The following PRSS36 variants were observed in gnomAD, a reference collection of about 807,000 sequenced individuals.
PRSS36 encodes serine protease 36.
PRSS36 carries 90 observed loss-of-function variants against 94.3 expected under a neutral mutation model. The observed-to-expected ratio is 0.95, with a 90% CI of 0.80 to 1.14. The LOEUF (loss-of-function observed/expected upper bound fraction) is 1.14, where lower values mean the gene tolerates loss of function less well. Ranked by LOEUF, PRSS36 falls within the 50% of genes most tolerant of loss-of-function variation. The pLI, the probability that PRSS36 is intolerant of heterozygous loss-of-function variation, is 0.00. For synonymous variants in PRSS36, 500 were observed against 489.6 expected (o/e 1.02, Z -0.28); for missense variants, 1,158 against 1,135.0 (o/e 1.02, Z -0.29).
chr16:31,149,447 A>C lies in PRSS36; in HGVS notation c.109+16T>G, dbSNP rs771851134. 7 of 1,614,002 alleles carry C rather than the reference A, an allele frequency of 4.3e-6. No homozygotes were observed. Among genetic ancestry groups the C allele is most frequent in the Non-Finnish European group, 5.9e-6 (7 of 1,179,944 alleles). On this transcript the variant is annotated intron_variant, in intron 3 of 14. Transcript: ENST00000268281. The stretch of plus-strand genomic sequence containing the variant: ...GCCTCCTTTAAGGTCTGAGGGTGCC[A>C]AGGCCTCTTCCTTACCCAGATCTTC...
At chr16:31,149,955 C>T (rs1457679338) in intron 1 of PRSS36, 44 bp downstream of exon 1, 11 of 1,607,498 alleles carry the variant, frequency 6.8e-6, no homozygotes, top group African/African-American at 1.3e-5. Flanking sequence ...CCCCAGATGC[C>T]AGGACCCAGG....
At chr16:31,145,566 CA>C (rs2144038355) in intron 6 of PRSS36, among the ~76,000 whole-genome samples, 1 of 151,568 alleles carries the variant, frequency 6.6e-6, no homozygotes, top group Admixed American at 6.6e-5. Flanking sequence ...GGGGGTGGAG[CA>C]GGGGGAGGTT....
At chr16:31,144,299 C>T (rs987503775) in intron 6 of PRSS36, among the ~76,000 whole-genome samples, 9 of 152,132 alleles carry the variant, frequency 5.9e-5, no homozygotes, top group Non-Finnish European at 8.8e-5. Flanking sequence ...CTCAGCTTCC[C>T]GAGTAGCTGG....
rs1243158769 is a variant in PRSS36 at position 31,142,555 on chromosome 16, C to G, written c.1447G>C (p.Val483Leu). Residue 483 changes from valine to leucine, a missense_variant, in exon 10 of 15, where the codon GTA becomes CTA. Coordinates refer to ENST00000268281, the MANE Select transcript of PRSS36 (RefSeq NM_173502.5). ...TGCGGCGGGTCTCCGGGCAGCGGTA[C>G]TGCCGCCCCCTGGCGGCCGTACAGG... is the stretch of plus-strand genomic sequence containing the variant. ...HCLYGRQGAA[V>L]PLPGDPPHAL... 1.9e-5 allele frequency: 29 copies of G among 1,525,752 alleles called. No individual in the cohort carries two copies. Among genetic ancestry groups the G allele is most frequent in the Non-Finnish European group, 2.2e-5 (25 of 1,140,724 alleles). The allele number at this position is 1,525,752 out of a possible 1,614,324, so 94.5% of individuals were successfully genotyped here.
Position 31,148,463 on chromosome 16 carries a change from C to G in PRSS36, c.485G>C (p.Arg162Pro). 2 of 1,574,506 alleles carry G rather than the reference C, an allele frequency of 1.3e-6. No homozygotes were observed. Among genetic ancestry groups the G allele is most frequent in the Non-Finnish European group, 1.7e-6 (2 of 1,166,910 alleles). Residue 162 changes from arginine to proline, a missense_variant, in exon 5 of 15, where the codon CGC becomes CCC. By Grantham distance (103) the Arg-to-Pro change is moderately radical. Coordinates refer to ENST00000268281, the MANE Select transcript of PRSS36 (RefSeq NM_173502.5). ...GCCGTGCACGAAGCGGTGTGAGGCG[C>G]GGGGCAGGCAGACAGGCCACACGGC... ...GPAVWPVCLP[R>P]ASHRFVHGTA...
Position 31,139,334 on chromosome 16 carries a change from T to C in PRSS36, c.2372A>G (p.Glu791Gly). ...LVGMAVQGSR[E>G]LFAAIGPEEA... The stretch of plus-strand genomic sequence containing the variant: ...TTCAGGACCAATGGCAGCAAACAGC[T>C]CCCGGCTCCCTTGAACAGCCATGCC... Residue 791 changes from glutamate to glycine, a missense_variant, in exon 15 of 15, where the codon GAG (glutamate) becomes GGG (glycine). By Grantham distance (98) the Glu-to-Gly change is moderately conservative. Coordinates refer to ENST00000268281, the MANE Select transcript of PRSS36 (RefSeq NM_173502.5). 6.2e-7 allele frequency: 1 copy of C among 1,614,018 alleles called. No individual in the cohort carries two copies. The highest frequency in any genetic ancestry group is 2.2e-5 in the East Asian group (1 of 44,870).
intron 12 of PRSS36, 148 bp downstream of exon 12, chr16:31,141,321 G>A (rs2057683642): frequency 9.7e-7 from 1 of 1,032,766 alleles, no homozygotes; most frequent in South Asian, 1.7e-5. Context: ...CAAGGCAGGA[G>A]GATTGCTTGA....
At position 31,140,583 on chromosome 16, in the gene PRSS36, G is replaced by A. The variant is rs373915188; in HGVS notation, c.2076C>T (p.Ser692=). The A allele has an allele frequency of 1.2e-6, 2 of 1,604,526 alleles. No individual in the cohort carries two copies. Among genetic ancestry groups the A allele is most frequent in the African/African-American group, 1.3e-5 (1 of 74,982 alleles). Residue 692 remains serine (S), a synonymous_variant, in exon 13 of 15, where the codon TCC becomes TCT. Transcript: ENST00000268281. ...GGAGACAGATGGGCAGGGCTGATGGGGAGGGCTCCACCCGGGAGCTCAGCT... is the reference window on the plus strand; with the variant it reads ...GGAGACAGATGGGCAGGGCTGATGGAGAGGGCTCCACCCGGGAGCTCAGCT... ...LLELSSRVEP[S]PSALPICLHP... is the part of the protein sequence containing the mutation.
chr16:31,139,219 G>T lies in PRSS36; in HGVS notation c.2487C>A (p.Cys829Ter). The change falls in exon 15 of 15, where the codon TGC (cysteine) becomes TGA (stop). Residue 829 changes from cysteine (C) to a stop codon, truncating the protein, a stop_gained. Transcript: ENST00000268281. LOFTEE classifies it low-confidence loss of function (END_TRUNC). ...CCGAGGCCTTGGCCAGTTCTGGGGG[G>T]CAGAGATTGCTGCCTCCAGTGGGCC... Reference protein sequence around the residue: ...PHWPTGGSNLCPPELAKASGS... With the variant: ...PHWPTGGSNL 7 of 1,613,678 alleles carry T rather than the reference G, an allele frequency of 4.3e-6. No individual in the cohort carries two copies. The highest frequency in any genetic ancestry group is 5.1e-6 in the Non-Finnish European group (6 of 1,179,702).
chr16:31,142,618 G>T lies in PRSS36; in HGVS notation c.1384C>A (p.Leu462Met). The change falls in exon 10 of 15, where the codon CTG (leucine) becomes ATG (methionine). Residue 462 changes from leucine to methionine, a missense_variant. Physicochemically the swap from Leu to Met is conservative, Grantham distance 15. Transcript: ENST00000268281. ...CAGCCGCCTAACAGCTCCGCCTCCA[G>T]CAGCGCGCCTGGGCCAAGCGCGGGT... ...GEPALGPGAL[L>M]EAELLGGWWC... 1 of 1,503,518 alleles carries T rather than the reference G, an allele frequency of 6.7e-7. No individual in the cohort carries two copies. Among genetic ancestry groups the T allele is most frequent in the Admixed American group, 2.2e-5 (1 of 45,566 alleles). The allele number at this position is 1,503,518 out of a possible 1,614,324, so 93.1% of individuals were successfully genotyped here. A position where few individuals can be genotyped will look rare whatever the true frequency, so the allele number is the denominator to read the frequency against.
At chr16:31,146,126 T>C (rs147596925) in intron 5 of PRSS36, among the ~76,000 whole-genome samples, 171 bp from the exon 6 acceptor site, 15 of 152,356 alleles carry the variant, frequency 9.8e-5, no homozygotes, top group African/African-American at 3.4e-4. Context: ...TTCTTTCTAC[T>C]TTTTCATCTC....
rs374385594 is a variant in PRSS36, at chr16:31,140,426, G to A, written c.2168-11C>T. On this transcript the variant is annotated splice_polypyrimidine_tract_variant and intron_variant, in intron 13 of 14. Coordinates refer to ENST00000268281, the MANE Select transcript of PRSS36 (RefSeq NM_173502.5). ...CAGCAGCCACAGGGACTGGGGAGAG[G>A]AGACAAAGTTGTTCCAGGGCTCTGG... 12 of 1,612,424 alleles carry A rather than the reference G, an allele frequency of 7.4e-6. No homozygotes were observed. The Admixed American group carries it at 8.4e-5, about 11-fold the overall frequency.
chr16:31,140,263 T>G, intron 14 of PRSS36, 31 bp downstream of exon 14: 6 of 1,580,234 alleles, frequency 3.8e-6, no homozygotes, highest in Non-Finnish European at 5.2e-6. Flanking sequence ...GCCTCTCCCC[T>G]GCCTACTCCA....
Position 31,142,933 on chromosome 16 carries a change from C to A in PRSS36, c.1161G>T (p.Ser387=). Residue 387 remains serine (S), a synonymous_variant, in exon 9 of 15, where the codon TCG becomes TCT. Transcript: ENST00000268281. The stretch of plus-strand genomic sequence containing the variant: ...GCGCCACCCGCTCCGCGCGCGGGCG[C>A]GAGGGCAGCAGCACGCGCCAGGCGT... ...DLDAWRVLLP[S]RPRAERVARL... The A allele has an allele frequency of 6.6e-7, 1 of 1,506,328 alleles. No homozygotes were observed. The highest frequency in any genetic ancestry group is 8.8e-7 in the Non-Finnish European group (1 of 1,134,064). The allele number at this position is 1,506,328 out of a possible 1,614,324, so 93.3% of individuals were successfully genotyped here.
chr16:31,147,282 C>G (rs1056008983), intron 5 of PRSS36, among the ~76,000 whole-genome samples: 1 of 152,070 alleles, frequency 6.6e-6, no homozygotes, highest in Non-Finnish European at 1.5e-5. Context: ...TGCAATGTAC[C>G]CTCTCTTCAA....
Position 31,146,092 on chromosome 16 carries a change from C to A in PRSS36, c.554-137G>T, listed in dbSNP as rs2144040048. ...TGGCCTCTCAGCCCACCACATTCAC[C>A]ACATCTCCTCCTGCTTCTATCTGTT... On this transcript the variant is annotated intron_variant, in intron 5 of 14. Coordinates refer to ENST00000268281, the MANE Select transcript of PRSS36 (RefSeq NM_173502.5). The A allele has an allele frequency of 5.6e-6, 4 of 711,460 alleles. No individual in the cohort carries two copies. In the South Asian group the frequency reaches 5.8e-5, roughly 10 times the overall value. The allele number at this position is 711,460 out of a possible 1,614,324, so 44.1% of individuals were successfully genotyped here. A position where few individuals can be genotyped will look rare whatever the true frequency, so the allele number is the denominator to read the frequency against.
chr16:31,145,844 A>G lies in PRSS36; in HGVS notation c.665T>C (p.Ile222Thr). The change falls in exon 6 of 15, where the codon ATA (isoleucine) becomes ACA (threonine). Residue 222 changes from isoleucine (I) to threonine (T), a missense_variant. Physicochemically the swap from Ile to Thr is moderately conservative, Grantham distance 89 (BLOSUM62 -1). Transcript: ENST00000268281. The part of the protein sequence containing the change: ...QPGPFNLTLQ[I>T]LPGMLCAGYP... ...GCCAGCACACAGCATCCCTGGCAAT[A>G]TCTGGAGAGTGAGGTTGAAGGGACC... The G allele has an allele frequency of 1.2e-6, 2 of 1,614,082 alleles. No homozygotes were observed. The highest frequency in any genetic ancestry group is 1.7e-6 in the Non-Finnish European group (2 of 1,180,008).
At chr16:31,143,935 TCTC>T (rs1335518858) in intron 6 of PRSS36, 98 bp from the exon 7 acceptor site, 5 of 1,475,256 alleles carry the variant, frequency 3.4e-6, no homozygotes, top group Middle Eastern at 1.8e-4. Context: ...CCTTCTCCCT[TCTC>T]CTAGAAACCC....
At chr16:31,141,408 GT>G in intron 12 of PRSS36, 60 bp downstream of exon 12, 1 of 1,239,638 alleles carries the variant, frequency 8.1e-7, no homozygotes, top group Non-Finnish European at 1.1e-6. Flanking sequence ...ACAAAAACAA[GT>G]CTTTGGCTCT....
Sources: allele counts gnomAD v4.1 joint callset (sites outside exome capture counted in the v4.1 genomes callset), GRCh38; gene constraint gnomAD v4.1.1; transcripts MANE v1.5; gene names NCBI Gene and HGNC (gene_info 2026-07-23, HGNC 2026-07-21).